Variants in OSBPL10 observed in about 807,000 individuals in gnomAD.
OSBPL10 encodes oxysterol binding protein like 10, also known as oxysterol-binding protein-related protein 10.
In OSBPL10, 49 loss-of-function variants were observed where a neutral mutation model predicts 81.7. The observed-to-expected ratio is 0.60, with a 90% CI of 0.48 to 0.76. The LOEUF (loss-of-function observed/expected upper bound fraction) is 0.76. Ranked by LOEUF, OSBPL10 falls within the 30% of genes least tolerant of loss-of-function variation. The probability of loss-of-function intolerance (pLI) is 0.00; values close to 1 mark genes in which losing one functional copy is unlikely to be tolerated. For missense variants in OSBPL10, 923 were observed against 987.8 expected, an observed-to-expected ratio of 0.93 and a Z score of 0.88; for synonymous variants, 419 against 383.6, an observed-to-expected ratio of 1.09 and a Z score of -1.08.
intron 7 of OSBPL10, among the ~76,000 whole-genome samples, chr3:31,690,832 T>C (rs1370777189): frequency 6.6e-6 from 1 of 152,244 alleles, no homozygotes; most frequent in Non-Finnish European, 1.5e-5. Context: ...CTGAACATTC[T>C]GGACAAGATG....
intron 1 of OSBPL10, among the ~76,000 whole-genome samples, chr3:32,056,579 C>T (rs770311642): frequency 1.3e-5 from 2 of 152,244 alleles, no homozygotes; most frequent in Non-Finnish European, 2.9e-5. Flanking sequence ...ACGAATGGCC[C>T]TTGCCATACC....
At chr3:31,997,333 C>T (rs112332991) in intron 2 of OSBPL10, among the ~76,000 whole-genome samples, 17,187 of 151,128 alleles carry the variant, frequency 0.11, 1,143 homozygotes, top group South Asian at 0.27. Flanking sequence ...GGTGCGATTT[C>T]GGCTCACTGC....
intron 1 of OSBPL10, among the ~76,000 whole-genome samples, chr3:31,957,588 T>C (rs1477796689): frequency 1.3e-5 from 2 of 152,240 alleles, no homozygotes; most frequent in Non-Finnish European, 2.9e-5. Context: ...TGGAGATATG[T>C]ACTTGGAGAT....
chr3:31,792,665 T>G (rs552381089), intron 4 of OSBPL10, among the ~76,000 whole-genome samples: 23 of 149,666 alleles, frequency 1.5e-4, no homozygotes, highest in African/African-American at 5.4e-4. Flanking sequence ...GTGTGTGTGG[T>G]GTGTGTGTGA....
intron 2 of OSBPL10, among the ~76,000 whole-genome samples, chr3:32,022,556 C>T (rs926677972): frequency 7.2e-5 from 11 of 152,030 alleles, no homozygotes; most frequent in Admixed American, 2.6e-4. Context: ...AAGGCTGAGG[C>T]GGATGGATTG....
intron 3 of OSBPL10, among the ~76,000 whole-genome samples, chr3:31,870,833 C>T (rs1701304043): frequency 2.0e-5 from 3 of 152,034 alleles, no homozygotes; most frequent in African/African-American, 7.2e-5. Context: ...GGTTTGTAAA[C>T]ACACCAATCA....
intron 2 of OSBPL10, among the ~76,000 whole-genome samples, chr3:32,008,176 C>CTT (rs1559548470): frequency 2.6e-3 from 331 of 127,172 alleles, no homozygotes; most frequent in African/African-American, 0.012. Context: ...ATGTTTTTAT[C>CTT]ATTTTTTTTT....
intron 4 of OSBPL10, among the ~76,000 whole-genome samples, chr3:31,808,802 C>T (rs1049949716): frequency 2.6e-5 from 4 of 152,216 alleles, no homozygotes; most frequent in African/African-American, 9.6e-5. Flanking sequence ...GTCTGTTCCA[C>T]TAGAATTTAA....
At chr3:31,852,088 G>C (rs1212352380) in intron 3 of OSBPL10, among the ~76,000 whole-genome samples, 1 of 152,198 alleles carries the variant, frequency 6.6e-6, no homozygotes, top group African/African-American at 2.4e-5. Flanking sequence ...AACATATGGG[G>C]ATGACCTCAA....
chr3:31,747,823 T>C, intron 5 of OSBPL10, 87 bp downstream of exon 5: 1 of 1,334,346 alleles, frequency 7.5e-7, no homozygotes, highest in Non-Finnish European at 1.1e-6. Flanking sequence ...CGTAGAGAAA[T>C]GGATGGAATT....
chr3:31,897,616 G>T (rs527387907), intron 1 of OSBPL10, among the ~76,000 whole-genome samples: 4 of 152,054 alleles, frequency 2.6e-5, no homozygotes, highest in African/African-American at 9.7e-5. Flanking sequence ...ATCAAAGAAA[G>T]AAAAATCTAA....
At chr3:31,769,453 A>C (rs1327305679) in intron 4 of OSBPL10, among the ~76,000 whole-genome samples, 8 of 86,664 alleles carry the variant, frequency 9.2e-5, no homozygotes, top group African/African-American at 3.6e-4. Context: ...CTCAAAAAAA[A>C]AAAAACAAAA....
intron 1 of OSBPL10, among the ~76,000 whole-genome samples, chr3:31,935,525 T>C (rs1697360128): frequency 6.6e-6 from 1 of 151,596 alleles, no homozygotes; most frequent in African/African-American, 2.4e-5. Context: ...TTTTTTTTTT[T>C]TTTCTTTTTT....
chr3:31,688,067 A>G (rs774187459), intron 7 of OSBPL10, among the ~76,000 whole-genome samples: 14 of 151,932 alleles, frequency 9.2e-5, no homozygotes, highest in Non-Finnish European at 1.6e-4. Flanking sequence ...CATAAATGGG[A>G]GGGAGATCGT....
intron 4 of OSBPL10, among the ~76,000 whole-genome samples, chr3:31,817,160 G>C (rs776810572): frequency 6.6e-6 from 1 of 152,184 alleles, no homozygotes; most frequent in Non-Finnish European, 1.5e-5. Context: ...GAGGCGCCAT[G>C]AGTCCCCACT....
chr3:31,663,991 T>G, intron 11 of OSBPL10, 88 bp downstream of exon 11: 1 of 1,613,238 alleles, frequency 6.2e-7, no homozygotes, highest in Non-Finnish European at 8.5e-7. Flanking sequence ...ATTTATCCAG[T>G]CTTGGGGGCT....
At position 31,742,311 on chromosome 3, in the gene OSBPL10, T is replaced by C. The variant is rs528385506; in HGVS notation, c.940+5599A>G. 1.4e-3 allele frequency among the ~76,000 whole-genome samples: 209 copies of C among 152,366 alleles called. 1 individual carries two copies. The highest frequency in any genetic ancestry group is 4.8e-3 in the African/African-American group (200 of 41,590). On this transcript the variant is annotated intron_variant, in intron 5 of 11. Coordinates refer to ENST00000396556, the MANE Select transcript of OSBPL10 (RefSeq NM_017784.5). ...CCAAGGGTCCTTACAATAGTCTCACTTATTTGGCCCTTTTGGCCAAACCCC... is the reference window on the plus strand; with the variant it reads ...CCAAGGGTCCTTACAATAGTCTCACCTATTTGGCCCTTTTGGCCAAACCCC...
chr3:31,777,298 T>TAC (rs1204149151), intron 4 of OSBPL10, among the ~76,000 whole-genome samples: 1 of 152,200 alleles, frequency 6.6e-6, no homozygotes, highest in Non-Finnish European at 1.5e-5. Context: ...TAAAACATAA[T>TAC]ACACTTTTCA....
At chr3:31,844,723 T>G (rs1005730144) in intron 3 of OSBPL10, among the ~76,000 whole-genome samples, 1 of 152,178 alleles carries the variant, frequency 6.6e-6, no homozygotes, top group African/African-American at 2.4e-5. Flanking sequence ...TACATAGAAG[T>G]GGTGGCTATA....
Sources: allele counts gnomAD v4.1 joint callset (sites outside exome capture counted in the v4.1 genomes callset), GRCh38; gene constraint gnomAD v4.1.1; transcripts MANE v1.5; gene names NCBI Gene and HGNC (gene_info 2026-07-23, HGNC 2026-07-21).